DLG2: variants seen among roughly 807,000 people sequenced by gnomAD.
The protein encoded by DLG2 is disks large homolog 2.
In DLG2, 45 loss-of-function variants were observed where a neutral mutation model predicts 132.5. The ratio of observed to expected loss-of-function variants is 0.34; its 90% CI spans 0.27 to 0.44. DLG2 has a LOEUF of 0.44. Ranked by LOEUF, DLG2 falls within the 20% of genes least tolerant of loss-of-function variation. The probability of loss-of-function intolerance (pLI) is 1.00; values close to 1 mark genes in which losing one functional copy is unlikely to be tolerated. For missense variants in DLG2, 1,045 were observed against 1,196.9 expected, an observed-to-expected ratio of 0.87 and a Z score of 1.87; for synonymous variants, 424 against 419.6, an observed-to-expected ratio of 1.01 and a Z score of -0.13.
At chr11:84,608,600 A>AAATATAAGATACACAGATATATT (rs2099589881) in intron 6 of DLG2, among the ~76,000 whole-genome samples, 1 of 152,152 alleles carries the variant, frequency 6.6e-6, no homozygotes, top group Non-Finnish European at 1.5e-5. Flanking sequence ...TTGAAAACAG[A>AAATATAAGATACACAGATATATT]TCTCACAGAA....
intron 3 of DLG2, among the ~76,000 whole-genome samples, chr11:85,429,644 A>T (rs974221512): frequency 8.5e-5 from 13 of 152,228 alleles, no homozygotes; most frequent in Non-Finnish European, 1.0e-4. Context: ...AATGCAAATC[A>T]AAACCACAAT....
chr11:84,876,775 A>G (rs1160187844), intron 6 of DLG2, among the ~76,000 whole-genome samples: 2 of 152,042 alleles, frequency 1.3e-5, no homozygotes, highest in Non-Finnish European at 2.9e-5. Context: ...TTGTGATGGT[A>G]GGGTGTTGAA....
chr11:83,518,363 A>G (rs1312363477), intron 21 of DLG2, among the ~76,000 whole-genome samples: 1 of 152,202 alleles, frequency 6.6e-6, no homozygotes, highest in Non-Finnish European at 1.5e-5. Context: ...TGCTAAGACC[A>G]TTGGAAAAGC....
intron 3 of DLG2, among the ~76,000 whole-genome samples, chr11:85,367,219 A>T (rs759598534): frequency 2.6e-5 from 4 of 152,104 alleles, no homozygotes; most frequent in Non-Finnish European, 5.9e-5. Flanking sequence ...TCCTTCATTT[A>T]TTATGAGGGA....
At chr11:83,872,811 A>G (rs2063731783) in intron 16 of DLG2, among the ~76,000 whole-genome samples, 1 of 152,242 alleles carries the variant, frequency 6.6e-6, no homozygotes, top group African/African-American at 2.4e-5. Context: ...AGCCACCCTG[A>G]GCCCTGCCAA....
chr11:84,235,530 G>A (rs936035995), intron 8 of DLG2, among the ~76,000 whole-genome samples: 1 of 151,862 alleles, frequency 6.6e-6, no homozygotes, highest in Non-Finnish European at 1.5e-5. Flanking sequence ...GGTGACAGAG[G>A]GAGAACCTGT....
At chr11:85,407,319 G>A (rs2088849490) in intron 3 of DLG2, among the ~76,000 whole-genome samples, 2 of 151,806 alleles carry the variant, frequency 1.3e-5, no homozygotes, top group Non-Finnish European at 2.9e-5. Context: ...GAAGGCTAAT[G>A]GGTATATTCA....
intron 3 of DLG2, among the ~76,000 whole-genome samples, chr11:85,475,111 T>C (rs2093101041): frequency 6.6e-6 from 1 of 151,146 alleles, no homozygotes; most frequent in African/African-American, 2.4e-5. Flanking sequence ...ATTTTGGGAG[T>C]GAAAAATGTA....
chr11:83,812,839 G>A (rs764127757), intron 17 of DLG2, among the ~76,000 whole-genome samples: 1 of 152,160 alleles, frequency 6.6e-6, no homozygotes, highest in Non-Finnish European at 1.5e-5. Flanking sequence ...TATCTGGCAG[G>A]AGTTGCACAA....
chr11:84,459,827 C>A (rs909010025), intron 7 of DLG2, among the ~76,000 whole-genome samples: 1 of 150,546 alleles, frequency 6.6e-6, no homozygotes, highest in East Asian at 1.9e-4. Context: ...AAAAATACAG[C>A]AATTTAACCT....
intron 7 of DLG2, among the ~76,000 whole-genome samples, chr11:84,491,528 C>T (rs148384737): frequency 9.9e-5 from 15 of 152,200 alleles, no homozygotes; most frequent in Admixed American, 4.6e-4. Context: ...CCAAGATGGA[C>T]GCATTTTCTA....
chr11:84,584,935 G>T (rs575990993), intron 6 of DLG2, among the ~76,000 whole-genome samples: 2 of 151,696 alleles, frequency 1.3e-5, no homozygotes, highest in Non-Finnish European at 2.9e-5. Context: ...TGATCCGCCC[G>T]CCTCGGCCTC....
chr11:84,823,383 G>A lies in DLG2; in HGVS notation c.357+288278C>T, dbSNP rs1421093333. 4.0e-5 allele frequency among the ~76,000 whole-genome samples: 6 copies of A among 151,730 alleles called. No homozygotes were observed. The South Asian group carries it at 8.3e-4, about 21-fold the overall frequency. ...TGTTCATACTTACCCCTCTCCTCCAGCCACACCAGCCTGGCCTGTTTGCTC... is the reference window on the plus strand; with the variant it reads ...TGTTCATACTTACCCCTCTCCTCCAACCACACCAGCCTGGCCTGTTTGCTC... On this transcript the variant is annotated intron_variant, in intron 6 of 27. Coordinates refer to ENST00000376104, the MANE Select transcript of DLG2 (RefSeq NM_001142699.3).
In DLG2 at chr11:84,669,696, TCACCTGACAATATTTTGATCAAATGGC is replaced by T. The variant is rs545438429; in HGVS notation, c.358-134992_358-134966del. Among the ~76,000 whole-genome samples the T allele has an allele frequency of 5.1e-4, 78 of 152,246 alleles. No homozygotes were observed. The East Asian group carries it at 0.012, about 24-fold the overall frequency. ...CAGCCTATCCTGTAGTCATTTAGGG[TCACCTGACAATATTTTGATCAAATGGC>T]CACCTGACAATATTTTGATCAAATG... On this transcript the variant is annotated intron_variant, in intron 6 of 27. Transcript: ENST00000376104.
At chr11:84,929,555 T>TA (rs2047855228) in intron 6 of DLG2, among the ~76,000 whole-genome samples, 1 of 151,980 alleles carries the variant, frequency 6.6e-6, no homozygotes, top group African/African-American at 2.4e-5. Context: ...ACACAAAGCT[T>TA]AAAAGCAGCA....
chr11:84,943,429 C>G (rs929593086), intron 6 of DLG2, among the ~76,000 whole-genome samples: 2 of 151,830 alleles, frequency 1.3e-5, no homozygotes, highest in African/African-American at 4.8e-5. Context: ...TTCCTGTATT[C>G]CATTTAGTGA....
chr11:85,589,221 G>A (rs1007376076), intron 3 of DLG2, among the ~76,000 whole-genome samples: 15 of 152,192 alleles, frequency 9.9e-5, no homozygotes, highest in South Asian at 4.1e-4. Flanking sequence ...CAGGGCACAC[G>A]GAATTAGCTG....
chr11:84,866,479 G>A (rs186270659), intron 6 of DLG2, among the ~76,000 whole-genome samples: 2 of 152,282 alleles, frequency 1.3e-5, no homozygotes, highest in Admixed American at 6.5e-5. Flanking sequence ...ATCAGAGTGC[G>A]AGGAGGTGTG....
intron 3 of DLG2, among the ~76,000 whole-genome samples, chr11:85,490,964 C>G (rs1339945480): frequency 6.6e-6 from 1 of 151,828 alleles, no homozygotes; most frequent in African/African-American, 2.4e-5. Flanking sequence ...GACAAGGATA[C>G]AACAAAAAAG....
Sources: allele counts gnomAD v4.1 joint callset (sites outside exome capture counted in the v4.1 genomes callset), GRCh38; gene constraint gnomAD v4.1.1; transcripts MANE v1.5; gene names NCBI Gene and HGNC (gene_info 2026-07-23, HGNC 2026-07-21).